CLN6: variants seen among roughly 807,000 people sequenced by gnomAD.
CLN6 encodes ceroid-lipofuscinosis neuronal protein 6.
In CLN6, 22 loss-of-function variants were observed where a neutral mutation model predicts 33.3. That is an observed-to-expected ratio of 0.66 (90% CI 0.47 to 0.94). CLN6 has a LOEUF of 0.94. CLN6 is among the 40% of genes least tolerant of loss of function. The probability of loss-of-function intolerance (pLI) is 0.00; values close to 1 mark genes in which losing one functional copy is unlikely to be tolerated. For missense variants in CLN6, 387 were observed against 417.1 expected, an observed-to-expected ratio of 0.93 and a Z score of 0.63; for synonymous variants, 201 against 174.6, an observed-to-expected ratio of 1.15 and a Z score of -1.19.
rs764301084 is a variant in CLN6 at position 68,214,350 on chromosome 15, G to A, written c.237C>T (p.Pro79=). 1 of 1,614,092 alleles carries A rather than the reference G, an allele frequency of 6.2e-7. No homozygotes were observed. The highest frequency in any genetic ancestry group is 8.5e-7 in the Non-Finnish European group (1 of 1,179,928). ...CCATGTGGAAGTAGTCCCCAACACT[G>A]GGCTTGTTGAGTGGAAACCACTCGA... ...FPLEWFPLNK[P]SVGDYFHMAY... The change falls in exon 3 of 7, where the codon CCC becomes CCT. Residue 79 remains proline (P), a synonymous_variant. Transcript: ENST00000249806.
intron 1 of CLN6, among the ~76,000 whole-genome samples, chr15:68,235,131 CCT>C (rs910436988): frequency 6.6e-6 from 1 of 152,196 alleles, no homozygotes. Context: ...CTCATTTAAT[CCT>C]CACAGTAGCC....
Position 68,209,521 on chromosome 15 carries a change from C to T in CLN6, c.665+116G>A. ...ACTAGACACAAGAAGAAGCACGGGCCCAAAGAGGGCCAGTCTCCCTGGGGC... is the reference window on the plus strand; with the variant it reads ...ACTAGACACAAGAAGAAGCACGGGCTCAAAGAGGGCCAGTCTCCCTGGGGC... On this transcript the variant is annotated intron_variant, in intron 6 of 6. Coordinates refer to ENST00000249806, the MANE Select transcript of CLN6 (RefSeq NM_017882.3). The surrounding 1 kb of genome is among the most constrained non-coding windows in gnomAD (Gnocchi z 4.9). 1 of 1,428,854 alleles carries T rather than the reference C, an allele frequency of 7.0e-7. No individual in the cohort carries two copies. The highest frequency in any genetic ancestry group is 2.3e-5 in the East Asian group (1 of 43,504). 88.5% of individuals were successfully genotyped at this position (1,428,854 alleles called of 1,614,324 possible).
chr15:68,211,622 A>G lies in CLN6; in HGVS notation c.486+53T>C. 1 of 1,609,452 alleles carries G rather than the reference A, an allele frequency of 6.2e-7. No homozygotes were observed. The stretch of plus-strand genomic sequence containing the variant: ...GTGGGGGCCATTTCTTCAGCCTCCC[A>G]GGACAGACTGTGCTCCTAGGGCTTA... On this transcript the variant is annotated intron_variant, in intron 4 of 6. Transcript: ENST00000249806. The surrounding 1 kb of genome is among the most constrained non-coding windows in gnomAD (Gnocchi z 5.9).
chr15:68,214,359 G>C lies in CLN6; in HGVS notation c.228C>G (p.Leu76=). 2 of 1,614,038 alleles carry C rather than the reference G, an allele frequency of 1.2e-6. No individual in the cohort carries two copies. Among genetic ancestry groups the C allele is most frequent in the Non-Finnish European group, 1.7e-6 (2 of 1,179,880 alleles). Residue 76 remains leucine (L), a synonymous_variant, in exon 3 of 7, where the codon CTC becomes CTG. Coordinates refer to ENST00000249806, the MANE Select transcript of CLN6 (RefSeq NM_017882.3). ...MLVFPLEWFP[L]NKPSVGDYFH... Reference sequence around the variant, plus strand: ...AGTAGTCCCCAACACTGGGCTTGTTGAGTGGAAACCACTCGAGAGGGAATA... The same window carrying C: ...AGTAGTCCCCAACACTGGGCTTGTTCAGTGGAAACCACTCGAGAGGGAATA...
At position 68,211,472 on chromosome 15, in the gene CLN6, G is replaced by C; in HGVS notation, c.487-154C>G. On this transcript the variant is annotated intron_variant, in intron 4 of 6. Transcript: ENST00000249806. The surrounding 1 kb of genome is among the most constrained non-coding windows in gnomAD (Gnocchi z 5.9). ...ACCCGGGGCCTCGCCTTCTGTTACA[G>C]GGGCCCAGGTGGGAGGCAGTCTGTG... 1 of 1,545,028 alleles carries C rather than the reference G, an allele frequency of 6.5e-7. No homozygotes were observed.
chr15:68,250,346 G>C (rs1372191022), intron 1 of CLN6, among the ~76,000 whole-genome samples: 2 of 151,920 alleles, frequency 1.3e-5, no homozygotes, highest in African/African-American at 4.8e-5. Flanking sequence ...AAGCCAGCTG[G>C]TCACGGTGGC....
Position 68,211,821 on chromosome 15 carries a change from A to G in CLN6, c.340T>C (p.Tyr114His), listed in dbSNP as rs1211135399. The change falls in exon 4 of 7, where the codon TAC (tyrosine) becomes CAC (histidine). Residue 114 changes from tyrosine to histidine, a missense_variant. Physicochemically the swap from Tyr to His is moderately conservative, Grantham distance 83. Coordinates refer to ENST00000249806, the MANE Select transcript of CLN6 (RefSeq NM_017882.3). This position sits in a 1 kb window ranked among gnomAD's most constrained non-coding sequence, Gnocchi z 5.9. ...ATGATGAAGATGATGATGCTCACGT[A>G]CGTGATGGAGCGTGGCAGGGTGCGG... ...SPRTLPRSIT[Y>H]VSIIIFIMGA... The G allele has an allele frequency of 1.2e-6, 2 of 1,613,818 alleles. No homozygotes were observed. The highest frequency in any genetic ancestry group is 3.3e-5 in the Admixed American group (2 of 59,998).
At chr15:68,216,938 G>C (rs939115353) in intron 2 of CLN6, among the ~76,000 whole-genome samples, 2 of 152,164 alleles carry the variant, frequency 1.3e-5, no homozygotes, top group African/African-American at 4.8e-5. Flanking sequence ...GGCAGATGCT[G>C]GCCTCTATGC....
Position 68,256,560 on chromosome 15 carries a change from A to G in CLN6, c.179+130T>C. On this transcript the variant is annotated intron_variant, in intron 1 of 6. Transcript: ENST00000538696. This position sits in a 1 kb window ranked among gnomAD's most constrained non-coding sequence, Gnocchi z 4.1. ...CTGTATCACAGTATTTGTTATTACA[A>G]TACTCTCTTTGGGATCCCCACACAC... 1.9e-6 allele frequency: 1 copy of G among 530,084 alleles called. No individual in the cohort carries two copies. The highest frequency in any genetic ancestry group is 3.2e-5 in the Admixed American group (1 of 31,342). 32.8% of individuals were successfully genotyped at this position (530,084 alleles called of 1,614,324 possible).
intron 1 of CLN6, among the ~76,000 whole-genome samples, chr15:68,245,621 A>T (rs892204979): frequency 1.3e-5 from 2 of 152,148 alleles, no homozygotes; most frequent in Admixed American, 1.3e-4. Context: ...ACAAAATGGC[A>T]GTAGTAAGTC....
In CLN6 at chr15:68,228,177, G is replaced by C. The variant is rs114174105; in HGVS notation, c.83+1325C>G. ...CAGTACATTGTTTCTAAGTGAAAAC[G>C]GACACAGTCCGCAGCTGCTCAGCCC... On this transcript the variant is annotated intron_variant, in intron 1 of 6. Transcript: ENST00000249806. The surrounding 1 kb of genome is among the most constrained non-coding windows in gnomAD (Gnocchi z 4.4). Among the ~76,000 whole-genome samples the C allele has an allele frequency of 1.3e-5, 2 of 152,146 alleles. No homozygotes were observed. The highest frequency in any genetic ancestry group is 2.9e-5 in the Non-Finnish European group (2 of 68,030).
chr15:68,248,472 C>G (rs1450145724), intron 1 of CLN6: 1 of 151,978 alleles, frequency 6.6e-6, no homozygotes, highest in African/African-American at 2.4e-5. Flanking sequence ...ACGGTGAAAC[C>G]CCGTCTCCAC....
chr15:68,233,350 G>C (rs1427399464), upstream of CLN6, among the ~76,000 whole-genome samples: 1 of 152,080 alleles, frequency 6.6e-6, no homozygotes, highest in African/African-American at 2.4e-5. The surrounding 1 kb of genome is among the most constrained non-coding windows in gnomAD (Gnocchi z 4.3). Context: ...AGGGTCCCAG[G>C]TGCCATCTCT....
At position 68,228,271 on chromosome 15, in the gene CLN6, C is replaced by T. The variant is rs758074328; in HGVS notation, c.83+1231G>A. Reference sequence around the variant, plus strand: ...CAAGCGCTCAGACTTCTCCCTTCATCCAGGTCGTACCAAAAACTTCCTAAC... The same window carrying T: ...CAAGCGCTCAGACTTCTCCCTTCATTCAGGTCGTACCAAAAACTTCCTAAC... On this transcript the variant is annotated intron_variant, in intron 1 of 6. Coordinates refer to ENST00000249806, the MANE Select transcript of CLN6 (RefSeq NM_017882.3). This position sits in a 1 kb window ranked among gnomAD's most constrained non-coding sequence, Gnocchi z 4.4. Among the ~76,000 whole-genome samples, 2 of 152,202 alleles carry T rather than the reference C, an allele frequency of 1.3e-5. No individual in the cohort carries two copies. The highest frequency in any genetic ancestry group is 4.8e-5 in the African/African-American group (2 of 41,440).
chr15:68,229,914 A>G (rs946390242), upstream of CLN6, among the ~76,000 whole-genome samples: 16 of 152,044 alleles, frequency 1.1e-4, no homozygotes, highest in African/African-American at 3.9e-4. Context: ...GGGATGTGTT[A>G]GGGTCCCTTG....
intron 1 of CLN6, chr15:68,254,780 G>C (rs1207872137): frequency 1.1e-6 from 1 of 884,766 alleles, no homozygotes; most frequent in Non-Finnish European, 1.9e-6. Flanking sequence ...AAAGAAGGGA[G>C]AGAAGGTACC....
At chr15:68,221,213 TCCCTCCC>T (rs2093234720) in intron 1 of CLN6, among the ~76,000 whole-genome samples, 1 of 129,574 alleles carries the variant, frequency 7.7e-6, no homozygotes, top group African/African-American at 2.8e-5. Context: ...GAAAGGGATC[TCCCTCCC>T]CCCTCCCCCA....
intron 1 of CLN6, among the ~76,000 whole-genome samples, chr15:68,221,687 G>A (rs867671396): frequency 2.1e-4 from 32 of 151,938 alleles, no homozygotes; most frequent in African/African-American, 7.0e-4. Flanking sequence ...CTGCCTGGCC[G>A]CCCATCGTCT....
chr15:68,233,555 A>G (rs66513875), upstream of CLN6, among the ~76,000 whole-genome samples: 72,162 of 152,082 alleles, frequency 0.47, 17,971 homozygotes, highest in Non-Finnish European at 0.56. This position sits in a 1 kb window ranked among gnomAD's most constrained non-coding sequence, Gnocchi z 4.3. Context: ...CAGTCTCTTA[A>G]GAGCTTTTGA....
Sources: allele counts gnomAD v4.1 joint callset (sites outside exome capture counted in the v4.1 genomes callset), GRCh38; gene constraint gnomAD v4.1.1; non-coding constraint Gnocchi (gnomAD v3.1); transcripts MANE v1.5; gene names NCBI Gene and HGNC (gene_info 2026-07-23, HGNC 2026-07-21).